OTOGL: variants seen among roughly 807,000 people sequenced by gnomAD.
OTOGL encodes the protein otogelin like.
OTOGL carries 285 observed loss-of-function variants against 318.5 expected under a neutral mutation model. That is an observed-to-expected ratio of 0.89 (90% CI 0.81 to 0.99). The LOEUF (loss-of-function observed/expected upper bound fraction) is 0.99, where lower values mean the gene tolerates loss of function less well. Ranked by LOEUF, OTOGL falls within the 50% of genes least tolerant of loss-of-function variation. The pLI is 0.00. For synonymous variants in OTOGL, 987 were observed against 936.5 expected (o/e 1.05, Z -0.99); for missense variants, 2,899 against 2,845.6 (o/e 1.02, Z -0.43).
intron 3 of OTOGL, among the ~76,000 whole-genome samples, chr12:80,211,454 T>C (rs1230408236): frequency 3.3e-5 from 5 of 152,162 alleles, no homozygotes; most frequent in Admixed American, 6.6e-5. Flanking sequence ...AAAGCAAATA[T>C]ATGCCTTAGT....
chr12:80,234,418 G>T (rs556124256), intron 9 of OTOGL, among the ~76,000 whole-genome samples: 2 of 152,120 alleles, frequency 1.3e-5, no homozygotes, highest in Non-Finnish European at 2.9e-5. Context: ...GAGATGATTT[G>T]CCCCTATGTT....
Position 80,103,827 on chromosome 12 carries a change from C to A in OTOGL, c.-20+4222C>A, listed in dbSNP as rs943491884. Among the ~76,000 whole-genome samples, 54 of 152,102 alleles carry A rather than the reference C, an allele frequency of 3.6e-4. 1 individual carries two copies. Among genetic ancestry groups the A allele is most frequent in the Non-Finnish European group, 5.9e-5 (4 of 68,028 alleles). The stretch of plus-strand genomic sequence containing the variant: ...AACTATTTGAAAAAGAAAAATGGGC[C>A]TGTAATGATGTAATTGTTTTTAAGA... On this transcript the variant is annotated intron_variant, in intron 1 of 58. Coordinates refer to ENST00000547103, the MANE Select transcript of OTOGL (RefSeq NM_001378609.3).
At chr12:80,209,912 A>C (rs1172823814) in intron 2 of OTOGL, among the ~76,000 whole-genome samples, 1 of 152,122 alleles carries the variant, frequency 6.6e-6, no homozygotes, top group East Asian at 1.9e-4. Flanking sequence ...TGCAATTTAA[A>C]CATTTGAAAT....
chr12:80,145,653 T>C (rs1387301387), intron 1 of OTOGL, among the ~76,000 whole-genome samples: 1 of 152,018 alleles, frequency 6.6e-6, no homozygotes, highest in Non-Finnish European at 1.5e-5. Context: ...TTGGGCAGTA[T>C]GGCCATTTTC....
At chr12:80,325,771 C>A (rs1324692401) in intron 35 of OTOGL, among the ~76,000 whole-genome samples, 1 of 152,070 alleles carries the variant, frequency 6.6e-6, no homozygotes, top group African/African-American at 2.4e-5. Context: ...ATGCGAAGGG[C>A]ATGTGGGGAA....
At chr12:80,262,762 C>T (rs1236541669) in intron 19 of OTOGL, among the ~76,000 whole-genome samples, 1 of 152,082 alleles carries the variant, frequency 6.6e-6, no homozygotes, top group Non-Finnish European at 1.5e-5. Context: ...AGAAGATACA[C>T]ATGTATATAT....
At chr12:80,323,530 T>C (rs1887481570) in intron 34 of OTOGL, among the ~76,000 whole-genome samples, 193 bp from the exon 35 acceptor site, 1 of 152,128 alleles carries the variant, frequency 6.6e-6, no homozygotes, top group Admixed American at 6.6e-5. Flanking sequence ...GTGCTTGTAG[T>C]ATCACCTACT....
At position 80,151,932 on chromosome 12, in the gene OTOGL, A is replaced by T. The variant is rs184516351; in HGVS notation, c.-20+52327A>T. ...GTGCTTTGCAGTTCACTTTACAGGT[A>T]TTATCAGTTGGTGGTATTTATTTTT... On this transcript the variant is annotated intron_variant, in intron 1 of 58. Transcript: ENST00000547103. Among the ~76,000 whole-genome samples, 695 of 152,344 alleles carry T rather than the reference A, an allele frequency of 4.6e-3. 12 individuals carry two copies. The highest frequency in any genetic ancestry group is 3.3e-3 in the Non-Finnish European group (227 of 68,024).
Position 80,267,293 on chromosome 12 carries a change from C to A in OTOGL, c.2431C>A (p.Pro811Thr). 1 of 1,565,826 alleles carries A rather than the reference C, an allele frequency of 6.4e-7. No individual in the cohort carries two copies. The highest frequency in any genetic ancestry group is 8.7e-7 in the Non-Finnish European group (1 of 1,144,706). Reference sequence around the variant, plus strand: ...TCATTATAGGGGCAGTGTTTATCAACCTGGAGAGCTCATCCCCACACCCTC... The same window carrying A: ...TCATTATAGGGGCAGTGTTTATCAAACTGGAGAGCTCATCCCCACACCCTC... The part of the protein sequence containing the change: ...RCHYRGSVYQ[P>T]GELIPTPSGL... Residue 811 changes from proline to threonine, a missense_variant, in exon 22 of 59, where the codon CCT becomes ACT. Transcript: ENST00000547103.
intron 26 of OTOGL, among the ~76,000 whole-genome samples, chr12:80,280,492 C>A (rs1037992392): frequency 2.6e-5 from 4 of 151,868 alleles, no homozygotes; most frequent in Non-Finnish European, 5.9e-5. Flanking sequence ...AGGAAATGTT[C>A]CAGTTTCAAC....
chr12:80,156,885 G>A (rs1349916594), intron 1 of OTOGL, among the ~76,000 whole-genome samples: 1 of 152,130 alleles, frequency 6.6e-6, no homozygotes, highest in African/African-American at 2.4e-5. Context: ...ATTGTGAAGA[G>A]TGCTGCAAAA....
At chr12:80,344,818 C>T (rs1266491176) in intron 44 of OTOGL, among the ~76,000 whole-genome samples, 1 of 115,954 alleles carries the variant, frequency 8.6e-6, no homozygotes, top group African/African-American at 2.6e-5. Flanking sequence ...ACTCTCTTCA[C>T]AAGGAACATC....
chr12:80,257,639 G>A (rs952170027), intron 17 of OTOGL, among the ~76,000 whole-genome samples, 186 bp from the exon 18 acceptor site: 2 of 151,912 alleles, frequency 1.3e-5, no homozygotes, highest in African/African-American at 4.8e-5. Flanking sequence ...AAAAGGAGAG[G>A]AATAGGAGGG....
intron 4 of OTOGL, among the ~76,000 whole-genome samples, chr12:80,215,260 G>GA (rs1235396774): frequency 6.7e-6 from 1 of 150,214 alleles, no homozygotes; most frequent in African/African-American, 2.5e-5. Flanking sequence ...TCTGCCTCCT[G>GA]GGTTCAAGCT....
chr12:80,235,731 G>A (rs1014154740), intron 9 of OTOGL, among the ~76,000 whole-genome samples: 4 of 152,100 alleles, frequency 2.6e-5, no homozygotes, highest in Non-Finnish European at 5.9e-5. Context: ...GCAATTGAAC[G>A]GAATTATAGC....
At chr12:80,297,957 A>T (rs1289090706) in intron 27 of OTOGL, among the ~76,000 whole-genome samples, 1 of 152,174 alleles carries the variant, frequency 6.6e-6, no homozygotes, top group Non-Finnish European at 1.5e-5. Flanking sequence ...AGTTTAATGA[A>T]ACTACTTGTG....
At chr12:80,274,738 G>T (rs893087676) in intron 24 of OTOGL, among the ~76,000 whole-genome samples, 1 of 151,966 alleles carries the variant, frequency 6.6e-6, no homozygotes, top group Non-Finnish European at 1.5e-5. Flanking sequence ...CTTGTTAGGG[G>T]CTAAGGCAGC....
At chr12:80,138,183 C>T (rs954465627) in intron 1 of OTOGL, among the ~76,000 whole-genome samples, 1 of 151,996 alleles carries the variant, frequency 6.6e-6, no homozygotes, top group African/African-American at 2.4e-5. Flanking sequence ...GGGATTCTTA[C>T]TAAATCTTTC....
intron 44 of OTOGL, chr12:80,343,509 GTTTTTTTTTTTTT>G (rs58046272): frequency 5.6e-5 from 2 of 35,868 alleles, no homozygotes; most frequent in Admixed American, 3.7e-4. Context: ...TTTTATTCTT[GTTTTTTTTTTTTT>G]TTTTTTTTTT....
Sources: gnomAD v4.1 joint callset for allele counts (sites outside exome capture counted in the v4.1 genomes callset) on GRCh38, gnomAD v4.1.1 for gene constraint, MANE v1.5 for transcripts, NCBI Gene and HGNC (gene_info 2026-07-23, HGNC 2026-07-21) for gene names.